The following PPIL2 variants were observed in gnomAD, a reference collection of about 807,000 sequenced individuals.
PPIL2 encodes the protein peptidylprolyl isomerase like 2.
A neutral mutation model predicts 75.2 loss-of-function variants in PPIL2; 50 were observed. That is an observed-to-expected ratio of 0.66 (90% confidence interval 0.53 to 0.84). The LOEUF (loss-of-function observed/expected upper bound fraction) is 0.84. PPIL2 is among the 40% of genes least tolerant of loss of function. The pLI is 0.00. For synonymous variants in PPIL2, 245 were observed against 258.8 expected (o/e 0.95, Z 0.51); for missense variants, 590 against 685.0 (o/e 0.86, Z 1.55).
chr22:21,694,538 C>G, intron 16 of PPIL2, 55 bp from the exon 17 acceptor site: 2 of 1,597,442 alleles, frequency 1.3e-6, no homozygotes, highest in South Asian at 1.1e-5. Context: ...GGGGCTCAGC[C>G]GTGGGGGTGC....
Position 21,696,868 on chromosome 22 carries a change from C to A in PPIL2, c.*1378C>A. Reference sequence around the variant, plus strand: ...CGCCTCATCTGCATCTCTGCCTCACCCCATCCACTGCCACAGGCTGCCTGA... The same window carrying A: ...CGCCTCATCTGCATCTCTGCCTCACACCATCCACTGCCACAGGCTGCCTGA... On this transcript the variant is annotated 3_prime_UTR_variant, in exon 20 of 20. Coordinates refer to ENST00000398831, the MANE Select transcript of PPIL2 (RefSeq NM_014337.4). 6.3e-7 allele frequency: 1 copy of A among 1,586,358 alleles called. No individual in the cohort carries two copies. Among genetic ancestry groups the A allele is most frequent in the Admixed American group, 1.8e-5 (1 of 56,024 alleles).
Position 21,666,811 on chromosome 22 carries a change from AAAT to A in PPIL2, c.32+686_32+688del, listed in dbSNP as rs924526912. Among the ~76,000 whole-genome samples, 4 of 152,136 alleles carry A rather than the reference AAAT, an allele frequency of 2.6e-5. 1 individual carries two copies. Among genetic ancestry groups the A allele is most frequent in the African/African-American group, 9.7e-5 (4 of 41,418 alleles). On this transcript the variant is annotated intron_variant, in intron 1 of 19. Transcript: ENST00000398831. ...GCGACAGAGCGAGACGCTGTCTCAA[AAAT>A]AATAAATAAAATTTAAAAATCCACC...
At chr22:21,687,550 CAAAAAA>C (rs36108489) in intron 12 of PPIL2, 87 bp from the exon 13 acceptor site, 148 of 306,270 alleles carry the variant, frequency 4.8e-4, no homozygotes, top group East Asian at 2.4e-3. Context: ...GACTCCACCT[CAAAAAA>C]AAAAAAAAAA....
intron 13 of PPIL2, 107 bp downstream of exon 13, chr22:21,687,839 C>T: frequency 8.4e-7 from 1 of 1,194,806 alleles, no homozygotes; most frequent in Non-Finnish European, 1.2e-6. Context: ...CCCACGGTGG[C>T]CAGGATGAGT....
chr22:21,696,595 C>G lies in PPIL2; in HGVS notation c.*1105C>G. On this transcript the variant is annotated 3_prime_UTR_variant, in exon 20 of 20. Transcript: ENST00000398831. ...AGCCCAGGCCAGTGGTCAGTGTTCT[C>G]ATGTCATGGACTCTCCTTGCCTGAC... is the stretch of plus-strand genomic sequence containing the variant. 6.9e-7 allele frequency: 1 copy of G among 1,458,540 alleles called. No individual in the cohort carries two copies. Among genetic ancestry groups the G allele is most frequent in the Non-Finnish European group, 9.0e-7 (1 of 1,107,708 alleles). 90.3% of individuals were successfully genotyped at this position (1,458,540 alleles called of 1,614,324 possible).
chr22:21,670,230 T>G, intron 2 of PPIL2: 1 of 1,120,830 alleles, frequency 8.9e-7, no homozygotes, highest in African/African-American at 1.6e-5. Flanking sequence ...AATACAAAAT[T>G]ACATGTACAT....
At chr22:21,678,183 C>T (rs1405351090) in intron 6 of PPIL2, among the ~76,000 whole-genome samples, 1 of 152,132 alleles carries the variant, frequency 6.6e-6, no homozygotes, top group East Asian at 1.9e-4. Context: ...GAATGAGGTC[C>T]AGCCTTTTTT....
chr22:21,689,307 A>ACAGGGGCCGGGCCAGCAGGGCCATGCG (rs2067519891), intron 15 of PPIL2, among the ~76,000 whole-genome samples: 1 of 152,218 alleles, frequency 6.6e-6, no homozygotes, highest in Non-Finnish European at 1.5e-5. Context: ...AGGGCCATGC[A>ACAGGGGCCGGGCCAGCAGGGCCATGCG]CACAGGGGCC....
chr22:21,670,352 A>G, intron 2 of PPIL2: 1 of 1,510,200 alleles, frequency 6.6e-7, no homozygotes, highest in Admixed American at 2.4e-5. Context: ...ATTTTAATGG[A>G]AGTAAAAAGT....
At chr22:21,671,778 T>C (rs563932753) in intron 4 of PPIL2, among the ~76,000 whole-genome samples, 148 of 152,070 alleles carry the variant, frequency 9.7e-4, no homozygotes, top group African/African-American at 3.0e-3. Context: ...TATGACGGAG[T>C]GGTGGCTTAT....
chr22:21,688,535 C>T (rs2067479205), intron 14 of PPIL2, among the ~76,000 whole-genome samples, 197 bp from the exon 15 acceptor site: 1 of 152,176 alleles, frequency 6.6e-6, no homozygotes, highest in Admixed American at 6.5e-5. Context: ...GAGTGGGCAG[C>T]AGCCTGCCTG....
At chr22:21,678,926 C>T (rs1385415664) in intron 6 of PPIL2, among the ~76,000 whole-genome samples, 2 of 137,872 alleles carry the variant, frequency 1.5e-5, no homozygotes, top group African/African-American at 5.6e-5. Flanking sequence ...GATGGAGTTT[C>T]GCTCTTGTTC....
At chr22:21,693,966 T>G in intron 16 of PPIL2, 94 bp downstream of exon 16, 1 of 1,307,310 alleles carries the variant, frequency 7.6e-7, no homozygotes, top group South Asian at 1.2e-5. Context: ...TTCGTGGACC[T>G]GAGTCATGTG....
chr22:21,694,583 C>T lies in PPIL2; in HGVS notation c.1197-10C>T. ...GCACACGCAGACCCACCTCTGTCTC[C>T]CTGCTGCAGGGTTGTTGGGGGCTTT... On this transcript the variant is annotated splice_polypyrimidine_tract_variant and intron_variant, in intron 16 of 19. Coordinates refer to ENST00000398831, the MANE Select transcript of PPIL2 (RefSeq NM_014337.4). 1.9e-6 allele frequency: 3 copies of T among 1,613,840 alleles called. No homozygotes were observed. The highest frequency in any genetic ancestry group is 2.5e-6 in the Non-Finnish European group (3 of 1,179,948).
chr22:21,684,924 G>C lies in PPIL2; in HGVS notation c.714+11G>C. 3 of 1,613,134 alleles carry C rather than the reference G, an allele frequency of 1.9e-6. No homozygotes were observed. The highest frequency in any genetic ancestry group is 1.1e-5 in the South Asian group (1 of 91,060). On this transcript the variant is annotated intron_variant, in intron 10 of 19. Coordinates refer to ENST00000398831, the MANE Select transcript of PPIL2 (RefSeq NM_014337.4). ...GACAAGCTGAACGCTGTGAGTGGCG[G>C]AGGGCACTCGGCCAAGCCCAAGCCC...
intron 15 of PPIL2, among the ~76,000 whole-genome samples, chr22:21,692,278 C>T (rs1186355328): frequency 6.6e-6 from 1 of 152,026 alleles, no homozygotes; most frequent in Non-Finnish European, 1.5e-5. Flanking sequence ...GCCTCAGCCT[C>T]CCTAGTAGCT....
intron 15 of PPIL2, among the ~76,000 whole-genome samples, chr22:21,690,927 A>T (rs1039005962): frequency 6.7e-6 from 1 of 149,768 alleles, no homozygotes; most frequent in Non-Finnish European, 1.5e-5. Flanking sequence ...CCAGCCTGTG[A>T]AACTGCTGAC....
rs1006537650 is a variant in PPIL2 at position 21,693,733 on chromosome 22, G to A, written c.1140-83G>A. ...AGGTTCCCAGAGCTGGCTGTAGAGG[G>A]TGGGCAGCTCCTGGTGTGCTCTTAG... On this transcript the variant is annotated intron_variant, in intron 15 of 19. Transcript: ENST00000398831. The A allele has an allele frequency of 3.1e-5, 42 of 1,361,090 alleles. No homozygotes were observed. The Middle Eastern group carries it at 9.0e-4, about 29-fold the overall frequency. 84.3% of individuals were successfully genotyped at this position (1,361,090 alleles called of 1,614,324 possible). A position where few individuals can be genotyped will look rare whatever the true frequency, so the allele number is the denominator to read the frequency against.
chr22:21,696,766 C>G lies in PPIL2; in HGVS notation c.*1276C>G. 6.5e-7 allele frequency: 1 copy of G among 1,544,498 alleles called. No individual in the cohort carries two copies. The highest frequency in any genetic ancestry group is 2.4e-5 in the East Asian group (1 of 41,060). On this transcript the variant is annotated 3_prime_UTR_variant, in exon 20 of 20. Transcript: ENST00000398831. ...TGTCAGCAACTTGCAGGCTGTACCT[C>G]TGCCCTTCCTTTTCTCATCAATCAC...
Sources: gnomAD v4.1 joint callset for allele counts (sites outside exome capture counted in the v4.1 genomes callset) on GRCh38, gnomAD v4.1.1 for gene constraint, MANE v1.5 for transcripts, NCBI Gene and HGNC (gene_info 2026-07-23, HGNC 2026-07-21) for gene names.